FNTB: variants seen among roughly 807,000 people sequenced by gnomAD.
The protein encoded by FNTB is farnesyltransferase, CAAX box, subunit beta, also known as protein farnesyltransferase subunit beta.
Under a neutral mutation model 59.4 loss-of-function variants are expected in FNTB, and 27 were observed. That is an observed-to-expected ratio of 0.45 (90% CI 0.34 to 0.63). The LOEUF is 0.63. Among genes scored for constraint, FNTB ranks in the 20% least tolerant of loss-of-function variants. FNTB has a pLI of 0.02. For missense variants in FNTB, 449 were observed against 559.6 expected, an observed-to-expected ratio of 0.80 and a Z score of 1.99; for synonymous variants, 230 against 220.7, an observed-to-expected ratio of 1.04 and a Z score of -0.37.
chr14:65,052,260 A>C (rs2062633399), intron 9 of FNTB, among the ~76,000 whole-genome samples: 1 of 152,214 alleles, frequency 6.6e-6, no homozygotes, highest in Non-Finnish European at 1.5e-5. Flanking sequence ...ATAGTGGTAT[A>C]AGTGAAAAAC....
rs576201827 is a variant in FNTB, at chr14:65,030,793, C to G, written c.606-1817C>G. Among the ~76,000 whole-genome samples the G allele has an allele frequency of 6.3e-4, 96 of 151,656 alleles. No homozygotes were observed. Among genetic ancestry groups the G allele is most frequent in the Non-Finnish European group, 1.9e-4 (13 of 67,854 alleles). The stretch of plus-strand genomic sequence containing the variant: ...CCCTTCTTTTATGTTTCTTAGGAGC[C>G]CTTAGGAATATACTTTTTGTTTGTT... On this transcript the variant is annotated intron_variant, in intron 6 of 11. Transcript: ENST00000246166. This position sits in a 1 kb window ranked among gnomAD's most constrained non-coding sequence, Gnocchi z 4.5.
chr14:65,034,977 CTG>C (rs773560434), intron 7 of FNTB, among the ~76,000 whole-genome samples: 29 of 152,242 alleles, frequency 1.9e-4, no homozygotes, highest in Non-Finnish European at 3.8e-4. Context: ...AAGCTACAAA[CTG>C]TCACTCATGC....
rs2062002182 is a variant in FNTB at position 65,027,364 on chromosome 14, C to A, written c.375-89C>A. On this transcript the variant is annotated intron_variant, in intron 4 of 11. Coordinates refer to ENST00000246166, the MANE Select transcript of FNTB (RefSeq NM_002028.4). This position sits in a 1 kb window ranked among gnomAD's most constrained non-coding sequence, Gnocchi z 5.7. ...CTCAACTTTTGAGGGAGTGGGGGAT[C>A]ATTGGAAAGGCCTGGAATCTAGTGG... is the stretch of plus-strand genomic sequence containing the variant. 1 of 1,563,016 alleles carries A rather than the reference C, an allele frequency of 6.4e-7. No homozygotes were observed. The highest frequency in any genetic ancestry group is 1.4e-5 in the African/African-American group (1 of 73,770).
At chr14:65,021,086 G>A (rs2061878362) in intron 4 of FNTB, among the ~76,000 whole-genome samples, 1 of 152,150 alleles carries the variant, frequency 6.6e-6, no homozygotes, top group South Asian at 2.1e-4. Flanking sequence ...TATCTAAAAT[G>A]AATTAATATT....
At chr14:65,006,433 G>T (rs2061591799) in intron 2 of FNTB, 5 of 1,311,964 alleles carry the variant, frequency 3.8e-6, no homozygotes, top group Non-Finnish European at 5.2e-6. Flanking sequence ...ATTAGCAAAT[G>T]ACGCCATTTA....
chr14:64,988,360 T>C (rs1888037145), intron 1 of FNTB, among the ~76,000 whole-genome samples: 1 of 152,156 alleles, frequency 6.6e-6, no homozygotes, highest in South Asian at 2.1e-4. Flanking sequence ...ACAGGATCTT[T>C]GCAGAATTCC....
chr14:64,996,694 A>T (rs1888408059), intron 1 of FNTB, among the ~76,000 whole-genome samples: 1 of 148,318 alleles, frequency 6.7e-6, no homozygotes, highest in Non-Finnish European at 1.5e-5. Flanking sequence ...TAAGAAATTT[A>T]TGGTTAACAA....
At chr14:65,037,126 G>A (rs983102154) in intron 7 of FNTB, among the ~76,000 whole-genome samples, 7 of 149,568 alleles carry the variant, frequency 4.7e-5, no homozygotes, top group Admixed American at 2.7e-4. Flanking sequence ...CCTTTGAGAC[G>A]GAGTCTTGCT....
intron 9 of FNTB, among the ~76,000 whole-genome samples, chr14:65,045,624 C>T (rs2062460717): frequency 6.6e-6 from 1 of 152,198 alleles, no homozygotes. Flanking sequence ...CCATGTTGGA[C>T]AGGCTGTTCT....
intron 1 of FNTB, among the ~76,000 whole-genome samples, chr14:64,989,901 G>C (rs1344736717): frequency 6.6e-6 from 1 of 152,128 alleles, no homozygotes; most frequent in Non-Finnish European, 1.5e-5. Context: ...AACACCTTGG[G>C]ATAGAGGGGA....
At chr14:65,049,844 C>G (rs962334574) in intron 9 of FNTB, among the ~76,000 whole-genome samples, 4 of 151,998 alleles carry the variant, frequency 2.6e-5, no homozygotes, top group Non-Finnish European at 4.4e-5. Flanking sequence ...TATTCAGTTG[C>G]GAACCATCAT....
At position 65,027,812 on chromosome 14, in the gene FNTB, C is replaced by G; in HGVS notation, c.605+31C>G. On this transcript the variant is annotated intron_variant, in intron 6 of 11. Coordinates refer to ENST00000246166, the MANE Select transcript of FNTB (RefSeq NM_002028.4). The surrounding 1 kb of genome is among the most constrained non-coding windows in gnomAD (Gnocchi z 5.7). ...TGGGGTTTTGCACAGGCTGCCACAT[C>G]AGTTGACTCTAGAGCTCATCTGCCA... is the stretch of plus-strand genomic sequence containing the variant. 6.2e-7 allele frequency: 1 copy of G among 1,613,594 alleles called. No homozygotes were observed. Among genetic ancestry groups the G allele is most frequent in the Non-Finnish European group, 8.5e-7 (1 of 1,179,806 alleles).
rs2062693999 is a variant in FNTB at position 65,054,796 on chromosome 14, A to G, written c.1182+107A>G. 8.1e-7 allele frequency: 1 copy of G among 1,239,530 alleles called. No individual in the cohort carries two copies. The allele number at this position is 1,239,530 out of a possible 1,614,324, so 76.8% of individuals were successfully genotyped here. ...CTGCATTTCCTGTGTGGACAGGCGG[A>G]AGCTTGTGGTCCCTCTGCCCTTCGA... On this transcript the variant is annotated intron_variant, in intron 11 of 11. Coordinates refer to ENST00000246166, the MANE Select transcript of FNTB (RefSeq NM_002028.4). The surrounding 1 kb of genome is among the most constrained non-coding windows in gnomAD (Gnocchi z 4.4).
In FNTB at chr14:65,028,702, T is replaced by C. The variant is rs955506558; in HGVS notation, c.605+921T>C. Reference sequence around the variant, plus strand: ...AAGATGTTCTTCTATCTCTAACTTGTCTAATCCAACCAAAAAAATTAGATT... The same window carrying C: ...AAGATGTTCTTCTATCTCTAACTTGCCTAATCCAACCAAAAAAATTAGATT... On this transcript the variant is annotated intron_variant, in intron 6 of 11. Coordinates refer to ENST00000246166, the MANE Select transcript of FNTB (RefSeq NM_002028.4). This position sits in a 1 kb window ranked among gnomAD's most constrained non-coding sequence, Gnocchi z 4.4. Among the ~76,000 whole-genome samples, 1 of 152,236 alleles carries C rather than the reference T, an allele frequency of 6.6e-6. No homozygotes were observed. The highest frequency in any genetic ancestry group is 1.5e-5 in the Non-Finnish European group (1 of 68,036).
rs2062027708 is a variant in FNTB, at chr14:65,028,747, G to GAAACCAGTAGAACGACTGAGGT, written c.605+970_605+991dup. On this transcript the variant is annotated intron_variant, in intron 6 of 11. Transcript: ENST00000246166. This position sits in a 1 kb window ranked among gnomAD's most constrained non-coding sequence, Gnocchi z 4.4. ...TAGATTAGGATCTGTGTATACCAGT[G>GAAACCAGTAGAACGACTGAGGT]AAACCAGTAGAACGACTGAGGTAAA... 6.6e-6 allele frequency among the ~76,000 whole-genome samples: 1 copy of GAAACCAGTAGAACGACTGAGGT among 152,230 alleles called. No homozygotes were observed. The highest frequency in any genetic ancestry group is 2.4e-5 in the African/African-American group (1 of 41,466).
intron 4 of FNTB, among the ~76,000 whole-genome samples, chr14:65,015,982 G>A (rs1162721569): frequency 2.0e-5 from 3 of 152,126 alleles, no homozygotes; most frequent in African/African-American, 7.2e-5. Context: ...CTTGACTCTG[G>A]TCTTTGAGAA....
chr14:65,039,278 T>C (rs1172137750), intron 7 of FNTB, among the ~76,000 whole-genome samples: 1 of 152,208 alleles, frequency 6.6e-6, no homozygotes, highest in Non-Finnish European at 1.5e-5. Flanking sequence ...GGCAGCCTTG[T>C]GTGAAATACA....
chr14:65,042,895 G>A (rs573317746), intron 8 of FNTB, among the ~76,000 whole-genome samples: 1 of 152,294 alleles, frequency 6.6e-6, no homozygotes, highest in Non-Finnish European at 1.5e-5. Flanking sequence ...AAGATCAACC[G>A]AGGATATATT....
chr14:65,009,970 A>G lies in FNTB; in HGVS notation c.210-2347A>G, dbSNP rs2061658550. 2.0e-5 allele frequency among the ~76,000 whole-genome samples: 3 copies of G among 152,290 alleles called. No individual in the cohort carries two copies. The highest frequency in any genetic ancestry group is 6.5e-5 in the Admixed American group (1 of 15,302). ...GTGCTGGACAACACTCTGCCCACACAGATGGGTGCTCCCTGCGTCCTGAGT... is the reference window on the plus strand; with the variant it reads ...GTGCTGGACAACACTCTGCCCACACGGATGGGTGCTCCCTGCGTCCTGAGT... On this transcript the variant is annotated intron_variant, in intron 2 of 11. Transcript: ENST00000246166. The surrounding 1 kb of genome is among the most constrained non-coding windows in gnomAD (Gnocchi z 4.2).
Sources: allele counts gnomAD v4.1 joint callset (sites outside exome capture counted in the v4.1 genomes callset), GRCh38; gene constraint gnomAD v4.1.1; non-coding constraint Gnocchi (gnomAD v3.1); transcripts MANE v1.5; gene names NCBI Gene and HGNC (gene_info 2026-07-23, HGNC 2026-07-21).